CAMK2A: variants seen among roughly 807,000 people sequenced by gnomAD.
CAMK2A encodes the protein calcium/calmodulin dependent protein kinase II alpha, also known as calcium/calmodulin-dependent protein kinase type II subunit alpha.
In CAMK2A, 7 loss-of-function variants were observed where a neutral mutation model predicts 79.2. That is an observed-to-expected ratio of 0.09 (90% CI 0.05 to 0.17). The LOEUF (loss-of-function observed/expected upper bound fraction) is 0.17, where lower values mean the gene tolerates loss of function less well. Among genes scored for constraint, CAMK2A ranks in the 10% least tolerant of loss-of-function variants. The pLI is 1.00. For synonymous variants in CAMK2A, 242 were observed against 251.7 expected (o/e 0.96, Z 0.36); for missense variants, 214 against 646.4 (o/e 0.33, Z 7.25).
At chr5:150,280,145 T>C (rs1325309144) in intron 1 of CAMK2A, among the ~76,000 whole-genome samples, 1 of 152,180 alleles carries the variant, frequency 6.6e-6, no homozygotes, top group African/African-American at 2.4e-5. Flanking sequence ...TCAAGACTGG[T>C]TGCTGCCACT....
chr5:150,246,093 G>C (rs546267225), intron 12 of CAMK2A, among the ~76,000 whole-genome samples: 1 of 152,226 alleles, frequency 6.6e-6, no homozygotes, highest in Non-Finnish European at 1.5e-5. Context: ...GACTTCTCCT[G>C]GTGGCCTTGA....
chr5:150,279,632 C>A (rs1363806378), intron 1 of CAMK2A, among the ~76,000 whole-genome samples: 1 of 152,132 alleles, frequency 6.6e-6, no homozygotes, highest in Non-Finnish European at 1.5e-5. Context: ...AAGAAGCAAG[C>A]CAAGGTGGAC....
At chr5:150,225,114 A>T (rs72837588) in intron 17 of CAMK2A, among the ~76,000 whole-genome samples, 11,199 of 145,072 alleles carry the variant, frequency 0.077, 504 homozygotes, top group African/African-American at 0.12. Flanking sequence ...AGATAAAATT[A>T]AAAAAAAAAA....
At chr5:150,240,828 G>C (rs1315046063) in intron 13 of CAMK2A, among the ~76,000 whole-genome samples, 1 of 152,148 alleles carries the variant, frequency 6.6e-6, no homozygotes, top group Non-Finnish European at 1.5e-5. Flanking sequence ...CTCTCCAAAG[G>C]CTCATCCTAT....
chr5:150,221,538 C>A lies in CAMK2A; in HGVS notation c.*1172G>T. On this transcript the variant is annotated 3_prime_UTR_variant, in exon 19 of 19. Coordinates refer to ENST00000671881, the MANE Select transcript of CAMK2A (RefSeq NM_015981.4). ...TTTGCGAGGGAAGCAAAGAAAAGTC[C>A]AGGTATTTCCATCCTGACAGCCTCC... The A allele has an allele frequency of 2.5e-6, 1 of 398,662 alleles. No homozygotes were observed. The highest frequency in any genetic ancestry group is 4.4e-6 in the Non-Finnish European group (1 of 226,068). The allele number at this position is 398,662 out of a possible 1,614,324, so 24.7% of individuals were successfully genotyped here.
intron 2 of CAMK2A, among the ~76,000 whole-genome samples, chr5:150,267,905 G>A (rs56714704): frequency 2.4e-4 from 33 of 140,180 alleles, no homozygotes; most frequent in Admixed American, 2.0e-3. Context: ...ACAGAGTCTC[G>A]CTGTGTCGGC....
Position 150,256,898 on chromosome 5 carries a change from T to C in CAMK2A, c.273-67A>G, listed in dbSNP as rs947130066. ...AGGTGCTGCCTCATCTGGAGGAGTC[T>C]CCAGGAAACTAAGGATGGGGCCCAG... On this transcript the variant is annotated intron_variant, in intron 4 of 18. Transcript: ENST00000671881. This position sits in a 1 kb window ranked among gnomAD's most constrained non-coding sequence, Gnocchi z 4.6. 8.6e-6 allele frequency: 12 copies of C among 1,393,958 alleles called. No individual in the cohort carries two copies. Among genetic ancestry groups the C allele is most frequent in the African/African-American group, 1.4e-5 (1 of 69,612 alleles). The allele number at this position is 1,393,958 out of a possible 1,614,324, so 86.3% of individuals were successfully genotyped here.
In CAMK2A at chr5:150,286,184, G is replaced by A. The variant is rs114199321; in HGVS notation, c.62+3380C>T. On this transcript the variant is annotated intron_variant, in intron 1 of 18. Transcript: ENST00000671881. Reference sequence around the variant, plus strand: ...AGGAGAGAAGAGGATTGGGTCAAACGAAGAGGGATGAGCTCATCTCTGGAT... The same window carrying A: ...AGGAGAGAAGAGGATTGGGTCAAACAAAGAGGGATGAGCTCATCTCTGGAT... Among the ~76,000 whole-genome samples, 1,244 of 152,280 alleles carry A rather than the reference G, an allele frequency of 8.2e-3. 16 individuals are homozygous for A. The highest frequency in any genetic ancestry group is 0.029 in the African/African-American group (1,189 of 41,554).
intron 3 of CAMK2A, among the ~76,000 whole-genome samples, chr5:150,262,541 C>T (rs1483257879): frequency 6.6e-6 from 1 of 152,118 alleles, no homozygotes; most frequent in African/African-American, 2.4e-5. Flanking sequence ...CATTCCCCAT[C>T]CTCACTTCTC....
intron 11 of CAMK2A, among the ~76,000 whole-genome samples, chr5:150,248,539 A>C (rs780463563): frequency 3.5e-4 from 46 of 130,574 alleles, no homozygotes; most frequent in African/African-American, 1.3e-3. Context: ...CCTGTGTCCA[A>C]GTGTTCTCAT....
chr5:150,219,575 C>G lies in CAMK2A; in HGVS notation c.*3135G>C, dbSNP rs13173132. 3.2e-5 allele frequency: 4 copies of G among 126,020 alleles called. No individual in the cohort carries two copies. The highest frequency in any genetic ancestry group is 5.0e-5 in the Non-Finnish European group (3 of 59,600). The allele number at this position is 126,020 out of a possible 1,614,324, so 7.8% of individuals were successfully genotyped here. A position where few individuals can be genotyped will look rare whatever the true frequency, so the allele number is the denominator to read the frequency against. The stretch of plus-strand genomic sequence containing the variant: ...CTTCTTCCCATCCCACCCGCCCCCC[C>G]CAATAGCAGAAAGTTTGAGCAGTGT... On this transcript the variant is annotated 3_prime_UTR_variant, in exon 19 of 19. Coordinates refer to ENST00000671881, the MANE Select transcript of CAMK2A (RefSeq NM_015981.4).
At chr5:150,254,122 C>A (rs1347651139) in intron 6 of CAMK2A, among the ~76,000 whole-genome samples, 2 of 152,166 alleles carry the variant, frequency 1.3e-5, no homozygotes, top group Non-Finnish European at 2.9e-5. Flanking sequence ...CCCTCAGTCT[C>A]ATGTCACCCC....
At chr5:150,250,994 C>T (rs79232489) in intron 9 of CAMK2A, among the ~76,000 whole-genome samples, 184 bp from the exon 10 acceptor site, 4,260 of 152,310 alleles carry the variant, frequency 0.028, 209 homozygotes, top group African/African-American at 0.096. Context: ...AATCAGAACA[C>T]GGCAGAGGGA....
chr5:150,228,232 C>A lies in CAMK2A; in HGVS notation c.1197G>T (p.Leu399=), dbSNP rs1754689718. The part of the protein sequence containing the change: ...TAFEPEALGN[L]VEGLDFHRFY... Reference sequence around the variant, plus strand: ...ATCGATGGAAGTCCAGGCCCTCAACCAGGTTCCCCAGGGCCTCAGGTTCGA... The same window carrying A: ...ATCGATGGAAGTCCAGGCCCTCAACAAGGTTCCCCAGGGCCTCAGGTTCGA... The change falls in exon 17 of 19, where the codon CTG becomes CTT. Residue 399 remains leucine, a synonymous_variant. Coordinates refer to ENST00000671881, the MANE Select transcript of CAMK2A (RefSeq NM_015981.4). 1 of 1,614,010 alleles carries A rather than the reference C, an allele frequency of 6.2e-7. No individual in the cohort carries two copies. The highest frequency in any genetic ancestry group is 2.2e-5 in the East Asian group (1 of 44,872).
At chr5:150,234,455 A>C (rs1215746992) in intron 15 of CAMK2A, among the ~76,000 whole-genome samples, 2 of 152,186 alleles carry the variant, frequency 1.3e-5, no homozygotes, top group Non-Finnish European at 2.9e-5. Context: ...GAAGATACTA[A>C]TAGTACTTAC....
Position 150,273,147 on chromosome 5 carries a change from C to T in CAMK2A, c.75G>A (p.Ser25=), listed in dbSNP as rs759905592. ...LFEELGKGAF[S]VVRRCVKVLA... is the part of the protein sequence containing the mutation. ...GCACCTTCACACACCTTCGCACCAC[C>T]GAGAAGGCTCCCCTAGGAGGACAGA... The change falls in exon 2 of 19, where the codon TCG becomes TCA. Residue 25 remains serine (S), a synonymous_variant. Coordinates refer to ENST00000671881, the MANE Select transcript of CAMK2A (RefSeq NM_015981.4). 2.9e-5 allele frequency: 47 copies of T among 1,613,106 alleles called. No individual in the cohort carries two copies. In the East Asian group the frequency reaches 3.6e-4, roughly 12 times the overall value.
intron 13 of CAMK2A, 99 bp from the exon 14 acceptor site, chr5:150,239,835 C>G (rs1755260323): frequency 1.7e-5 from 17 of 1,004,346 alleles, no homozygotes; most frequent in Middle Eastern, 2.1e-4. Flanking sequence ...GAGGATGGGC[C>G]TCGGGGTCAT....
intron 1 of CAMK2A, among the ~76,000 whole-genome samples, chr5:150,274,561 T>C (rs577180932): frequency 5.3e-4 from 81 of 152,220 alleles, no homozygotes; most frequent in Non-Finnish European, 1.1e-3. Context: ...ATACTGACCG[T>C]AGTCACCACT....
intron 15 of CAMK2A, among the ~76,000 whole-genome samples, chr5:150,233,777 C>T (rs1221270018): frequency 6.6e-6 from 1 of 152,078 alleles, no homozygotes; most frequent in Non-Finnish European, 1.5e-5. Flanking sequence ...CAGCCAGTCA[C>T]CTCTTTTGTT....
Sources: allele counts gnomAD v4.1 joint callset (sites outside exome capture counted in the v4.1 genomes callset), GRCh38; gene constraint gnomAD v4.1.1; non-coding constraint Gnocchi (gnomAD v3.1); transcripts MANE v1.5; gene names NCBI Gene and HGNC (gene_info 2026-07-23, HGNC 2026-07-21).